ZKSCAN2: variants seen among roughly 807,000 people sequenced by gnomAD.
The protein encoded by ZKSCAN2 is zinc finger protein with KRAB and SCAN domains 2.
A neutral mutation model predicts 90.5 loss-of-function variants in ZKSCAN2; 38 were observed. The observed-to-expected ratio is 0.42, with a 90% CI of 0.32 to 0.55. The LOEUF (loss-of-function observed/expected upper bound fraction) is 0.55, where lower values mean the gene tolerates loss of function less well. Ranked by LOEUF, ZKSCAN2 falls within the 20% of genes least tolerant of loss-of-function variation. The pLI, the probability that ZKSCAN2 is intolerant of heterozygous loss-of-function variation, is 0.11. For missense variants in ZKSCAN2, 1,167 were observed against 1,202.6 expected (o/e 0.97, Z 0.44); for synonymous variants, 429 against 421.6 (o/e 1.02, Z -0.22).
chr16:25,240,388 C>CA lies in ZKSCAN2; in HGVS notation c.2331dup (p.Gly778TrpfsTer9). On this transcript the variant is annotated frameshift_variant, in exon 7 of 7. Coordinates refer to ENST00000328086, the MANE Select transcript of ZKSCAN2 (RefSeq NM_001012981.5). LOFTEE classifies it high-confidence loss of function. ...CTACCAAAGCACTTCCCACAGACAC[C>CA]ACACTTGTAAGGATTCTCCTTGTGG... The CA allele has an allele frequency of 6.2e-7, 1 of 1,614,146 alleles. No individual in the cohort carries two copies.
At position 25,240,054 on chromosome 16, in the gene ZKSCAN2, C is replaced by A. The variant is rs764164005; in HGVS notation, c.2666G>T (p.Cys889Phe). 4.8e-5 allele frequency: 77 copies of A among 1,613,980 alleles called. No individual in the cohort carries two copies. The highest frequency in any genetic ancestry group is 4.2e-6 in the Non-Finnish European group (5 of 1,180,020). The change falls in exon 7 of 7, where the codon TGT becomes TTT. Residue 889 changes from cysteine to phenylalanine, a missense_variant. Physicochemically the swap from Cys to Phe is radical, Grantham distance 205. Transcript: ENST00000328086. ...RVHTGENPYK[C>F]VDCEKSFNNC... Reference sequence around the variant, plus strand: ...ATTGAAACTTTTTTCACAGTCCACACATTTGTAGGGATTCTCCCCAGTGTG... The same window carrying A: ...ATTGAAACTTTTTTCACAGTCCACAAATTTGTAGGGATTCTCCCCAGTGTG...
At position 25,246,855 on chromosome 16, in the gene ZKSCAN2, C is replaced by T; in HGVS notation, c.1341G>A (p.Leu447=). Residue 447 remains leucine (L), a synonymous_variant, in exon 5 of 7, where the codon CTG becomes CTA. Transcript: ENST00000328086. ...CCTTAGCACTGATGGCAATTCTCTT[C>T]AGTCTGGGGACAGGTATCATCTCCT... The part of the protein sequence containing the change: ...KPKEMIPVPR[L]KRIAISAKEH... The T allele has an allele frequency of 6.2e-7, 1 of 1,614,234 alleles. No individual in the cohort carries two copies. Among genetic ancestry groups the T allele is most frequent in the South Asian group, 1.1e-5 (1 of 91,086 alleles).
rs972822528 is a variant in ZKSCAN2, at chr16:25,238,766, A to G, written c.*1050T>C. 6.6e-6 allele frequency: 1 copy of G among 152,214 alleles called. No individual in the cohort carries two copies. The highest frequency in any genetic ancestry group is 2.1e-4 in the South Asian group (1 of 4,830). The allele number at this position is 152,214 out of a possible 1,614,324, so 9.4% of individuals were successfully genotyped here. ...ATCGACAGCAGGCCAAAGGAGTCCA[A>G]CTGGTCTTAGAAATGCTTCAGGTGT... On this transcript the variant is annotated 3_prime_UTR_variant, in exon 7 of 7. Coordinates refer to ENST00000328086, the MANE Select transcript of ZKSCAN2 (RefSeq NM_001012981.5).
rs1252150891 is a variant in ZKSCAN2 at position 25,237,907 on chromosome 16, T to TA, written c.*1908dup. On this transcript the variant is annotated 3_prime_UTR_variant, in exon 7 of 7. Transcript: ENST00000328086. ...AAGCCCACTGGCACCACAAACATCT[T>TA]ACTGTGCTACGCACACTACCAACAT... is the stretch of plus-strand genomic sequence containing the variant. 6 of 152,264 alleles carry TA rather than the reference T, an allele frequency of 3.9e-5. No homozygotes were observed. The highest frequency in any genetic ancestry group is 2.6e-4 in the Admixed American group (4 of 15,290). The allele number at this position is 152,264 out of a possible 1,614,324, so 9.4% of individuals were successfully genotyped here. A position where few individuals can be genotyped will look rare whatever the true frequency, so the allele number is the denominator to read the frequency against.
Position 25,239,019 on chromosome 16 carries a change from G to C in ZKSCAN2, c.*797C>G, listed in dbSNP as rs1231776265. On this transcript the variant is annotated 3_prime_UTR_variant, in exon 7 of 7. Coordinates refer to ENST00000328086, the MANE Select transcript of ZKSCAN2 (RefSeq NM_001012981.5). ...TATCTGAGGAGGGCATGGTAGTTCG[G>C]AAGAGGCCGGCAGGAGCACCCAGAG... 1 of 152,670 alleles carries C rather than the reference G, an allele frequency of 6.6e-6. No homozygotes were observed. The highest frequency in any genetic ancestry group is 1.5e-5 in the Non-Finnish European group (1 of 68,094). The allele number at this position is 152,670 out of a possible 1,614,324, so 9.5% of individuals were successfully genotyped here.
intron 4 of ZKSCAN2, among the ~76,000 whole-genome samples, chr16:25,249,890 C>T (rs568154081): frequency 6.6e-6 from 1 of 152,254 alleles, no homozygotes; most frequent in South Asian, 2.1e-4. Context: ...TAGCTGTACT[C>T]CCGTGCTCAA....
At chr16:25,249,688 TAA>T (rs539536588) in intron 4 of ZKSCAN2, among the ~76,000 whole-genome samples, 87 of 152,130 alleles carry the variant, frequency 5.7e-4, no homozygotes, top group African/African-American at 2.0e-3. Context: ...ATCTGTCAAT[TAA>T]AAAAAGACAA....
intron 2 of ZKSCAN2, 34 bp from the exon 3 acceptor site, chr16:25,253,071 G>A (rs555807338): frequency 2.0e-6 from 3 of 1,528,406 alleles, no homozygotes; most frequent in Non-Finnish European, 2.7e-6. Context: ...TAGTAATCTG[G>A]GCTTTGACCC....
Position 25,257,109 on chromosome 16 carries a change from A to G in ZKSCAN2, c.19T>C (p.Ser7Pro), listed in dbSNP as rs752024633. 1.2e-6 allele frequency: 2 copies of G among 1,604,618 alleles called. No individual in the cohort carries two copies. The highest frequency in any genetic ancestry group is 1.7e-6 in the Non-Finnish European group (2 of 1,174,248). Residue 7 changes from serine to proline, a missense_variant, in exon 1 of 7, where the codon TCT becomes CCT. Coordinates refer to ENST00000328086, the MANE Select transcript of ZKSCAN2 (RefSeq NM_001012981.5). The part of the protein sequence containing the change: MAVALD[S>P]QIDAPLEVEG... Reference sequence around the variant, plus strand: ...ACCTCCAGGGGCGCGTCGATCTGAGAGTCGAGGGCGACAGCCATGCTGCAG... The same window carrying G: ...ACCTCCAGGGGCGCGTCGATCTGAGGGTCGAGGGCGACAGCCATGCTGCAG...
At position 25,245,806 on chromosome 16, in the gene ZKSCAN2, A is replaced by G. The variant is rs79509266; in HGVS notation, c.1489+901T>C. On this transcript the variant is annotated intron_variant, in intron 5 of 6. Coordinates refer to ENST00000328086, the MANE Select transcript of ZKSCAN2 (RefSeq NM_001012981.5). ...AAAAAAAGAATTTATCTCTAGCTGG[A>G]GTAAAGAAACATTACTAATAACAGT... is the stretch of plus-strand genomic sequence containing the variant. Among the ~76,000 whole-genome samples, 1,369 of 151,832 alleles carry G rather than the reference A, an allele frequency of 9.0e-3. 21 individuals are homozygous for G. The highest frequency in any genetic ancestry group is 0.032 in the African/African-American group (1,320 of 41,408).
At chr16:25,255,082 G>T in intron 2 of ZKSCAN2, 124 bp downstream of exon 2, 1 of 993,956 alleles carries the variant, frequency 1.0e-6, no homozygotes, top group Non-Finnish European at 1.4e-6. Context: ...TGAAGTGAAT[G>T]AAACCTTTCT....
chr16:25,255,158 A>T (rs1460215871), intron 2 of ZKSCAN2, 48 bp downstream of exon 2: 1 of 1,536,816 alleles, frequency 6.5e-7, no homozygotes. Context: ...TACTGCGGAA[A>T]TCTGCCCCAG....
At position 25,239,834 on chromosome 16, in the gene ZKSCAN2, T is replaced by G; in HGVS notation, c.2886A>C (p.Glu962Asp). The G allele has an allele frequency of 6.3e-7, 1 of 1,582,736 alleles. No homozygotes were observed. The highest frequency in any genetic ancestry group is 8.6e-7 in the Non-Finnish European group (1 of 1,166,046). ...PENPHKGKTD[E>D]FRKTF Reference sequence around the variant, plus strand: ...ATCATCATCAAAAAGTTTTCCTAAATTCATCAGTCTTTCCCTTATGTGGGT... The same window carrying G: ...ATCATCATCAAAAAGTTTTCCTAAAGTCATCAGTCTTTCCCTTATGTGGGT... Residue 962 changes from glutamate (E) to aspartate (D), a missense_variant, in exon 7 of 7, where the codon GAA (glutamate) becomes GAC (aspartate). Glu to Asp is a conservative substitution (Grantham distance 45). Coordinates refer to ENST00000328086, the MANE Select transcript of ZKSCAN2 (RefSeq NM_001012981.5).
At chr16:25,250,498 C>T (rs1322783095) in intron 4 of ZKSCAN2, among the ~76,000 whole-genome samples, 1 of 152,082 alleles carries the variant, frequency 6.6e-6, no homozygotes, top group East Asian at 1.9e-4. Flanking sequence ...ATGGTCAAAG[C>T]GTATAAGCTT....
intron 4 of ZKSCAN2, 69 bp downstream of exon 4, chr16:25,251,840 T>C (rs946084154): frequency 9.0e-6 from 14 of 1,552,720 alleles, no homozygotes; most frequent in African/African-American, 1.4e-5. Context: ...CTGCCTATCT[T>C]CTAATCAGTA....
Position 25,240,116 on chromosome 16 carries a change from G to C in ZKSCAN2, c.2604C>G (p.Phe868Leu). The change falls in exon 7 of 7, where the codon TTC becomes TTG. Residue 868 changes from phenylalanine (F) to leucine (L), a missense_variant. Phe to Leu is a conservative substitution (Grantham distance 22). Transcript: ENST00000328086. The part of the protein sequence containing the change: ...PYQCGECGKS[F>L]TNSSHFSAHR... Reference sequence around the variant, plus strand: ...GGGCGCTGAAATGAGAACTGTTGGTGAAACTTTTCCCACACTCTCCACACT... The same window carrying C: ...GGGCGCTGAAATGAGAACTGTTGGTCAAACTTTTCCCACACTCTCCACACT... 6.2e-7 allele frequency: 1 copy of C among 1,613,840 alleles called. No individual in the cohort carries two copies. Among genetic ancestry groups the C allele is most frequent in the Non-Finnish European group, 8.5e-7 (1 of 1,179,994 alleles).
chr16:25,248,067 C>A (rs1962962933), intron 4 of ZKSCAN2, among the ~76,000 whole-genome samples: 1 of 151,884 alleles, frequency 6.6e-6, no homozygotes, highest in Admixed American at 6.6e-5. Context: ...TGAAACTGGA[C>A]CCCTGTCTTA....
Position 25,237,982 on chromosome 16 carries a change from T to C in ZKSCAN2, c.*1834A>G, listed in dbSNP as rs568951460. On this transcript the variant is annotated 3_prime_UTR_variant, in exon 7 of 7. Transcript: ENST00000328086. ...CTATAACTTGGACAACACAGAAAAATCAACCTATTGAGATGTGAACAGTCA... is the reference window on the plus strand; with the variant it reads ...CTATAACTTGGACAACACAGAAAAACCAACCTATTGAGATGTGAACAGTCA... 6.6e-6 allele frequency: 1 copy of C among 152,300 alleles called. No homozygotes were observed. The highest frequency in any genetic ancestry group is 1.9e-4 in the East Asian group (1 of 5,186). 9.4% of individuals were successfully genotyped at this position (152,300 alleles called of 1,614,324 possible).
rs76512253 is a variant in ZKSCAN2 at position 25,252,844 on chromosome 16, G to A, written c.678+102C>T. On this transcript the variant is annotated intron_variant, in intron 3 of 6. Transcript: ENST00000328086. ...GCAGGAGAATCGCTTGAACCCAGGA[G>A]GCAGAGGTGGTTGCAGTGAGCTGAG... is the stretch of plus-strand genomic sequence containing the variant. 6.2e-3 allele frequency: 5,703 copies of A among 922,624 alleles called. 213 individuals carry two copies. The African/African-American group carries it at 0.083, about 13-fold the overall frequency. The allele number at this position is 922,624 out of a possible 1,614,324, so 57.2% of individuals were successfully genotyped here.
Sources: allele counts gnomAD v4.1 joint callset (sites outside exome capture counted in the v4.1 genomes callset), GRCh38; gene constraint gnomAD v4.1.1; transcripts MANE v1.5; gene names NCBI Gene and HGNC (gene_info 2026-07-23, HGNC 2026-07-21).